HSD17B12: variants seen among roughly 807,000 people sequenced by gnomAD.
HSD17B12 encodes the protein hydroxysteroid 17-beta dehydrogenase 12, also known as very-long-chain 3-oxoacyl-CoA reductase.
In HSD17B12, 32 loss-of-function variants were observed where a neutral mutation model predicts 39.3. The observed-to-expected ratio is 0.81, with a 90% CI of 0.61 to 1.09. The LOEUF (loss-of-function observed/expected upper bound fraction) is 1.09. Ranked by LOEUF, HSD17B12 falls within the 50% of genes least tolerant of loss-of-function variation. The pLI, the probability that HSD17B12 is intolerant of heterozygous loss-of-function variation, is 0.00. For synonymous variants in HSD17B12, 150 were observed against 146.7 expected, an observed-to-expected ratio of 1.02 and a Z score of -0.16; for missense variants, 342 against 382.9, an observed-to-expected ratio of 0.89 and a Z score of 0.89.
the HSD17B12 span, among the ~76,000 whole-genome samples, chr11:43,633,377 CA>C: frequency 6.6e-6 from 1 of 151,846 alleles, no homozygotes; most frequent in Non-Finnish European, 1.5e-5. Context: ...ACTAAAAATA[CA>C]AAAATTAGCA....
At chr11:43,771,872 T>C (rs922317119) in intron 3 of HSD17B12, among the ~76,000 whole-genome samples, 1 of 152,198 alleles carries the variant, frequency 6.6e-6, no homozygotes, top group Non-Finnish European at 1.5e-5. Context: ...ATTACAAATA[T>C]GGTAGCAGAC....
rs554186834 is a variant in HSD17B12 at position 43,849,917 on chromosome 11, C to CTGT, written c.685-4796_685-4794dup. On this transcript the variant is annotated intron_variant, in intron 9 of 10. Transcript: ENST00000278353. Reference sequence around the variant, plus strand: ...AGTGAATGCCTTTTGTGAGATTACACTGTTTTTCTTTTTGTTCCTTGAATG... The same window carrying CTGT: ...AGTGAATGCCTTTTGTGAGATTACACTGTTGTTTTTCTTTTTGTTCCTTGAATG... 4.9e-4 allele frequency among the ~76,000 whole-genome samples: 74 copies of CTGT among 152,264 alleles called. 1 individual carries two copies. In the South Asian group the frequency reaches 0.014, roughly 29 times the overall value.
chr11:43,822,202 T>C (rs533427411), intron 6 of HSD17B12, among the ~76,000 whole-genome samples: 3 of 152,196 alleles, frequency 2.0e-5, no homozygotes, highest in Non-Finnish European at 4.4e-5. Context: ...AAGTGAAATA[T>C]ATTAACAGCC....
At chr11:43,576,490 C>T in the HSD17B12 span, 1 of 152,148 alleles carries the variant, frequency 6.6e-6, no homozygotes. Flanking sequence ...CGCATTCCTC[C>T]CCCCACAACT....
the HSD17B12 span, among the ~76,000 whole-genome samples, chr11:43,558,928 G>T: frequency 6.6e-6 from 1 of 152,096 alleles, no homozygotes; most frequent in South Asian, 2.1e-4. Flanking sequence ...ATAGAAATGG[G>T]AAGTGAAATG....
rs116292542 is a variant in HSD17B12 at position 43,693,120 on chromosome 11, G to A, written c.160+12133G>A. Among the ~76,000 whole-genome samples, 947 of 152,326 alleles carry A rather than the reference G, an allele frequency of 6.2e-3. 16 individuals carry two copies. The highest frequency in any genetic ancestry group is 0.021 in the African/African-American group (887 of 41,570). On this transcript the variant is annotated intron_variant, in intron 1 of 10. Transcript: ENST00000278353. ...CTGGAAAAGGTAATGACTTGCCCAA[G>A]ATTATGCATCCAGTTAGAGAATGGC...
At chr11:43,616,823 A>AG in the HSD17B12 span, among the ~76,000 whole-genome samples, 1 of 146,056 alleles carries the variant, frequency 6.8e-6, no homozygotes, top group Non-Finnish European at 1.5e-5. Context: ...AAAAAAAAAA[A>AG]TACCCGGGAA....
the HSD17B12 span, among the ~76,000 whole-genome samples, chr11:43,615,880 G>A: frequency 6.6e-6 from 1 of 152,140 alleles, no homozygotes; most frequent in African/African-American, 2.4e-5. Flanking sequence ...GGGGTGTGAA[G>A]TTACATATAT....
chr11:43,756,068 G>A (rs183639230), intron 3 of HSD17B12, among the ~76,000 whole-genome samples: 11 of 152,154 alleles, frequency 7.2e-5, no homozygotes, highest in African/African-American at 2.2e-4. Flanking sequence ...GGGGGGAACC[G>A]CCCCCATGGT....
intron 3 of HSD17B12, among the ~76,000 whole-genome samples, chr11:43,760,181 A>T (rs972980222): frequency 6.6e-6 from 1 of 151,978 alleles, no homozygotes; most frequent in African/African-American, 2.4e-5. Flanking sequence ...TACAGGCCTG[A>T]GTCACTGCTC....
chr11:43,808,371 G>A (rs963547871), intron 4 of HSD17B12, among the ~76,000 whole-genome samples: 3 of 151,720 alleles, frequency 2.0e-5, no homozygotes, highest in Non-Finnish European at 2.9e-5. Context: ...GTTCCATTAG[G>A]TATGTTGGCT....
chr11:43,784,444 G>C (rs1300814080), intron 3 of HSD17B12, among the ~76,000 whole-genome samples: 1 of 145,648 alleles, frequency 6.9e-6, no homozygotes. Context: ...TTATAAACTA[G>C]ACAAGGGCAG....
the HSD17B12 span, among the ~76,000 whole-genome samples, chr11:43,587,122 A>G: frequency 1.3e-5 from 2 of 152,228 alleles, no homozygotes; most frequent in African/African-American, 2.4e-5. Context: ...TATCCTCTCT[A>G]GGCCTCAATA....
At chr11:43,676,577 G>C (rs1046669763), upstream of HSD17B12, among the ~76,000 whole-genome samples, 1 of 152,172 alleles carries the variant, frequency 6.6e-6, no homozygotes, top group Admixed American at 6.5e-5. Flanking sequence ...AGTAGGGTTA[G>C]GACTGAGAAT....
chr11:43,777,659 A>G (rs925807451), intron 3 of HSD17B12, among the ~76,000 whole-genome samples: 6 of 152,188 alleles, frequency 3.9e-5, no homozygotes, highest in Non-Finnish European at 5.9e-5. Flanking sequence ...TAGGAGTGGT[A>G]AGAGAGGGCA....
At chr11:43,756,600 A>G (rs2134954893) in intron 3 of HSD17B12, among the ~76,000 whole-genome samples, 1 of 152,328 alleles carries the variant, frequency 6.6e-6, no homozygotes, top group South Asian at 2.1e-4. Context: ...TGCATCTACT[A>G]GTTGCTAGAA....
At chr11:43,804,410 T>C (rs1038726956) in intron 4 of HSD17B12, among the ~76,000 whole-genome samples, 4 of 152,186 alleles carry the variant, frequency 2.6e-5, no homozygotes, top group African/African-American at 9.6e-5. Flanking sequence ...TTGCTAATAA[T>C]TTTAAGAAGC....
At chr11:43,808,508 T>C (rs554627014) in intron 4 of HSD17B12, among the ~76,000 whole-genome samples, 21 of 152,190 alleles carry the variant, frequency 1.4e-4, no homozygotes, top group Non-Finnish European at 1.2e-4. Context: ...TAATTAGCTC[T>C]GTTATTTCAG....
intron 1 of HSD17B12, among the ~76,000 whole-genome samples, chr11:43,698,177 C>T (rs1374875708): frequency 1.3e-5 from 2 of 152,124 alleles, no homozygotes; most frequent in South Asian, 4.1e-4. Context: ...AGGGAGACAG[C>T]AGAGTCCAAA....
Sources: gnomAD v4.1 joint callset for allele counts (sites outside exome capture counted in the v4.1 genomes callset) on GRCh38, gnomAD v4.1.1 for gene constraint, MANE v1.5 for transcripts, NCBI Gene and HGNC (gene_info 2026-07-23, HGNC 2026-07-21) for gene names.